Variants in CCDC30 observed in about 807,000 individuals in gnomAD.
The protein encoded by CCDC30 is coiled-coil domain containing 30.
In CCDC30, 70 loss-of-function variants were observed where a neutral mutation model predicts 100.2. The observed-to-expected ratio is 0.70, with a 90% CI of 0.58 to 0.85. The LOEUF (loss-of-function observed/expected upper bound fraction) is 0.85. CCDC30 is among the 40% of genes least tolerant of loss of function. The pLI is 0.00. For missense variants in CCDC30, 652 were observed against 771.2 expected (o/e 0.85, Z 1.83); for synonymous variants, 233 against 269.5 (o/e 0.86, Z 1.33).
intron 6 of CCDC30, chr1:42,529,499 A>G (rs1644775405): frequency 7.1e-6 from 1 of 140,506 alleles, no homozygotes; most frequent in African/African-American, 2.6e-5. Context: ...AAATAAATAA[A>G]TGGTCTCAGT....
chr1:42,614,767 A>G (rs1287541742), intron 11 of CCDC30, among the ~76,000 whole-genome samples: 1 of 151,246 alleles, frequency 6.6e-6, no homozygotes, highest in African/African-American at 2.4e-5. Flanking sequence ...AGCCTGAATG[A>G]CAGAGTAAGA....
chr1:42,545,471 C>T (rs1213666599), intron 6 of CCDC30: 6 of 1,603,254 alleles, frequency 3.7e-6, no homozygotes, highest in Middle Eastern at 3.3e-4. Context: ...GGAAAAACTG[C>T]ACCTTCTAAT....
At chr1:42,580,780 C>T in intron 8 of CCDC30, 1 of 454,006 alleles carries the variant, frequency 2.2e-6, no homozygotes, top group East Asian at 7.0e-5. Flanking sequence ...TGATGCTAAG[C>T]AATATGCTAA....
chr1:42,506,303 T>G (rs1644394154), intron 6 of CCDC30, among the ~76,000 whole-genome samples: 1 of 152,212 alleles, frequency 6.6e-6, no homozygotes, highest in East Asian at 1.9e-4. Flanking sequence ...GTGTGTTTTT[T>G]CTCTATTCCA....
intron 1 of CCDC30, among the ~76,000 whole-genome samples, chr1:42,466,325 C>G (rs1643580755): frequency 6.6e-6 from 1 of 152,108 alleles, no homozygotes; most frequent in East Asian, 1.9e-4. Flanking sequence ...GAGTACCTAC[C>G]AGGAGAAAAA....
At chr1:42,551,986 G>A (rs182760528) in intron 6 of CCDC30, among the ~76,000 whole-genome samples, 2 of 152,056 alleles carry the variant, frequency 1.3e-5, no homozygotes, top group East Asian at 1.9e-4. Flanking sequence ...GGCTGGTCTC[G>A]AACTCCTGGG....
At chr1:42,563,378 C>T (rs114863488) in intron 6 of CCDC30, among the ~76,000 whole-genome samples, 212 of 152,164 alleles carry the variant, frequency 1.4e-3, no homozygotes, top group Non-Finnish European at 2.5e-3. Context: ...ACTACATGTT[C>T]TCTCACTCAT....
At chr1:42,523,820 A>C (rs72659945) in intron 6 of CCDC30, among the ~76,000 whole-genome samples, 14 of 151,924 alleles carry the variant, frequency 9.2e-5, no homozygotes, top group Admixed American at 9.2e-4. Flanking sequence ...TTCAATTGTC[A>C]TATCTTCAGG....
At chr1:42,507,106 T>C (rs111854413) in intron 6 of CCDC30, among the ~76,000 whole-genome samples, 2,182 of 152,236 alleles carry the variant, frequency 0.014, 50 homozygotes, top group African/African-American at 0.05. Flanking sequence ...TTTGTATTTT[T>C]AGTAGAGACG....
Position 42,471,036 on chromosome 1 carries a change from A to T in CCDC30, c.-92+7138A>T, listed in dbSNP as rs191991938. ...TAGAGGGAGACACATGGAGTTTAGG[A>T]TGGCAGGGTTTCAACATTAGCTCAG... On this transcript the variant is annotated intron_variant, in intron 1 of 16. Transcript: ENST00000668663. Among the ~76,000 whole-genome samples the T allele has an allele frequency of 6.6e-4, 100 of 152,334 alleles. 2 individuals carry two copies. Among genetic ancestry groups the T allele is most frequent in the Middle Eastern group, 3.4e-3 (1 of 294 alleles).
chr1:42,644,737 G>A, exon 14 of CCDC30: 1 of 1,613,432 alleles, frequency 6.2e-7, no homozygotes, highest in South Asian at 1.1e-5. Context: ...CAGGAAAATA[G>A]TCTTCGTCTC....
chr1:42,581,085 C>T (rs578015109), intron 8 of CCDC30: 25 of 377,948 alleles, frequency 6.6e-5, no homozygotes, highest in Non-Finnish European at 1.2e-4. Flanking sequence ...AAGCGATTCA[C>T]CCAGCTCAGC....
chr1:42,537,696 AC>A (rs1644931534), intron 6 of CCDC30: 1 of 176,820 alleles, frequency 5.7e-6, no homozygotes, highest in African/African-American at 2.4e-5. Flanking sequence ...TAGGTTGGGC[AC>A]GGTGGCTCAC....
chr1:42,644,760 G>A, exon 14 of CCDC30: 2 of 1,613,712 alleles, frequency 1.2e-6, no homozygotes, highest in Non-Finnish European at 1.7e-6. Flanking sequence ...ACAGCAGATT[G>A]GCTTCTTAGA....
chr1:42,529,924 T>G (rs114013503), intron 6 of CCDC30, among the ~76,000 whole-genome samples: 291 of 152,352 alleles, frequency 1.9e-3, no homozygotes, highest in African/African-American at 6.6e-3. Context: ...CAAAATTCCA[T>G]AAATAAGCAA....
At position 42,547,951 on chromosome 1, in the gene CCDC30, A is replaced by G. The variant is rs183876758; in HGVS notation, c.457-18345A>G. Among the ~76,000 whole-genome samples, 116 of 152,362 alleles carry G rather than the reference A, an allele frequency of 7.6e-4. 1 individual carries two copies. The highest frequency in any genetic ancestry group is 1.5e-3 in the Non-Finnish European group (101 of 68,042). The stretch of plus-strand genomic sequence containing the variant: ...GAACACAAAGCATGGGCTCTGGCCC[A>G]GGCTAATGAATCAAAAAATATTCTT... On this transcript the variant is annotated intron_variant, in intron 6 of 16. Transcript: ENST00000668663.
upstream of CCDC30, among the ~76,000 whole-genome samples, chr1:42,462,877 G>A (rs925236366): frequency 6.6e-6 from 1 of 152,136 alleles, no homozygotes. Context: ...CGTGCCCCAC[G>A]TGGCTAGTGA....
At chr1:42,506,343 G>T (rs1644394864) in intron 6 of CCDC30, among the ~76,000 whole-genome samples, 1 of 152,014 alleles carries the variant, frequency 6.6e-6, no homozygotes, top group Non-Finnish European at 1.5e-5. Flanking sequence ...GAGAACACCT[G>T]TAAAAGTCCT....
At chr1:42,495,133 T>C (rs1233233527) in intron 4 of CCDC30, among the ~76,000 whole-genome samples, 1 of 149,778 alleles carries the variant, frequency 6.7e-6, no homozygotes, top group Non-Finnish European at 1.5e-5. Flanking sequence ...TAGACTGGAT[T>C]AAGAAAATGT....
Sources: gnomAD v4.1 joint callset for allele counts (sites outside exome capture counted in the v4.1 genomes callset) on GRCh38, gnomAD v4.1.1 for gene constraint, MANE v1.5 for transcripts, NCBI Gene and HGNC (gene_info 2026-07-23, HGNC 2026-07-21) for gene names.